The following GALNT13 variants were observed in gnomAD, a reference collection of about 807,000 sequenced individuals.
The protein encoded by GALNT13 is UDP-GalNAc:polypeptide N-acetylgalactosaminyltransferase 13.
In GALNT13, 28 loss-of-function variants were observed where a neutral mutation model predicts 64.2. That is an observed-to-expected ratio of 0.44 (90% confidence interval 0.32 to 0.60). The LOEUF is 0.60. Ranked by LOEUF, GALNT13 falls within the 20% of genes least tolerant of loss-of-function variation. GALNT13 has a pLI of 0.05. For synonymous variants in GALNT13, 214 were observed against 224.6 expected (o/e 0.95, Z 0.42); for missense variants, 577 against 669.8 (o/e 0.86, Z 1.53).
the GALNT13 span, among the ~76,000 whole-genome samples, chr2:153,147,015 C>T: frequency 6.6e-6 from 1 of 151,724 alleles, no homozygotes; most frequent in Non-Finnish European, 1.5e-5. Flanking sequence ...AGTAGAAAAC[C>T]ATTAATTCAT....
intron 1 of GALNT13, among the ~76,000 whole-genome samples, chr2:153,890,517 CT>C (rs1687479349): frequency 6.6e-6 from 1 of 152,146 alleles, no homozygotes; most frequent in South Asian, 2.1e-4. Flanking sequence ...CAACTTAAAA[CT>C]TTTTCCCGTG....
chr2:154,151,524 G>A (rs1304917631), intron 4 of GALNT13, among the ~76,000 whole-genome samples: 3 of 152,172 alleles, frequency 2.0e-5, no homozygotes, highest in African/African-American at 7.2e-5. Flanking sequence ...AATGTTGACA[G>A]TGGGGTGTTA....
intron 3 of GALNT13, among the ~76,000 whole-genome samples, chr2:154,026,304 A>G (rs1356218509): frequency 6.6e-6 from 1 of 152,248 alleles, no homozygotes; most frequent in South Asian, 2.1e-4. Context: ...GAGAGACTCA[A>G]ATTGCTCTCA....
intron 9 of GALNT13, among the ~76,000 whole-genome samples, chr2:154,328,232 CTT>C (rs1445302933): frequency 1.3e-5 from 2 of 152,012 alleles, no homozygotes; most frequent in Non-Finnish European, 2.9e-5. Flanking sequence ...TTGTAATAAA[CTT>C]TCTTTTGCTT....
intron 4 of GALNT13, 102 bp from the exon 5 acceptor site, chr2:154,241,928 G>A (rs1689508851): frequency 1.7e-6 from 1 of 600,646 alleles, no homozygotes; most frequent in Admixed American, 3.7e-5. Flanking sequence ...CCTTAGTAAG[G>A]GGCTTTCAAG....
chr2:154,422,724 C>T lies in GALNT13; in HGVS notation c.1395+13642C>T, dbSNP rs533333558. On this transcript the variant is annotated intron_variant, in intron 11 of 12. Coordinates refer to ENST00000392825, the MANE Select transcript of GALNT13 (RefSeq NM_052917.4). Reference sequence around the variant, plus strand: ...AAAGATGCATTTTAAGACCGTAACACCAAGGAATGATCAAAGTGGTCTTGA... The same window carrying T: ...AAAGATGCATTTTAAGACCGTAACATCAAGGAATGATCAAAGTGGTCTTGA... 5.3e-5 allele frequency among the ~76,000 whole-genome samples: 8 copies of T among 152,104 alleles called. No individual in the cohort carries two copies. The East Asian group carries it at 1.4e-3, about 26-fold the overall frequency.
the GALNT13 span, among the ~76,000 whole-genome samples, chr2:153,086,081 G>A: frequency 2.6e-5 from 4 of 152,126 alleles, no homozygotes; most frequent in Non-Finnish European, 5.9e-5. Context: ...GGGGTCTGTA[G>A]CCCCTTCGTT....
At chr2:153,950,650 A>G (rs1558870621) in intron 3 of GALNT13, among the ~76,000 whole-genome samples, 1 of 152,158 alleles carries the variant, frequency 6.6e-6, no homozygotes, top group Non-Finnish European at 1.5e-5. Context: ...AAAATAATCC[A>G]TAGATCTATT....
intron 7 of GALNT13, among the ~76,000 whole-genome samples, chr2:154,255,614 A>G (rs1173793391): frequency 1.3e-5 from 2 of 152,150 alleles, no homozygotes; most frequent in African/African-American, 4.8e-5. Context: ...TTTATGAGAC[A>G]AGAGGAGAGA....
chr2:153,790,606 A>G, the GALNT13 span, among the ~76,000 whole-genome samples: 1 of 152,188 alleles, frequency 6.6e-6, no homozygotes, highest in Non-Finnish European at 1.5e-5. Flanking sequence ...GACCAGAGCA[A>G]TCAGGCAAGA....
intron 4 of GALNT13, among the ~76,000 whole-genome samples, chr2:154,148,105 G>C (rs1417487542): frequency 1.3e-5 from 2 of 151,810 alleles, no homozygotes; most frequent in Non-Finnish European, 2.9e-5. Flanking sequence ...TCCCCAGAGT[G>C]TGATGTTCCC....
At chr2:154,406,607 G>C (rs903010273) in intron 10 of GALNT13, among the ~76,000 whole-genome samples, 1 of 152,068 alleles carries the variant, frequency 6.6e-6, no homozygotes, top group African/African-American at 2.4e-5. Flanking sequence ...GTCTTTTCAA[G>C]TGTCTTTATT....
chr2:153,751,995 TG>T, the GALNT13 span, among the ~76,000 whole-genome samples: 1 of 152,004 alleles, frequency 6.6e-6, no homozygotes, highest in Non-Finnish European at 1.5e-5. Context: ...GTGTATTCAT[TG>T]TATGTTTTTT....
At chr2:153,092,880 A>G in the GALNT13 span, among the ~76,000 whole-genome samples, 2 of 151,908 alleles carry the variant, frequency 1.3e-5, no homozygotes, top group African/African-American at 4.8e-5. Context: ...CAGGAATTAC[A>G]GTACCATGTT....
At chr2:153,227,627 G>A in the GALNT13 span, among the ~76,000 whole-genome samples, 659 of 152,180 alleles carry the variant, frequency 4.3e-3, 4 homozygotes, top group African/African-American at 0.015. Context: ...AATCTGCATC[G>A]CAAAGCCTTC....
the GALNT13 span, among the ~76,000 whole-genome samples, chr2:153,612,648 A>G: frequency 6.6e-6 from 1 of 151,576 alleles, no homozygotes; most frequent in Admixed American, 6.6e-5. Context: ...AAAAAAGGCA[A>G]AGAACACACA....
the GALNT13 span, among the ~76,000 whole-genome samples, chr2:153,777,666 G>C: frequency 2.0e-5 from 3 of 152,146 alleles, no homozygotes; most frequent in African/African-American, 7.2e-5. Flanking sequence ...ATGGGGGTGT[G>C]GCTTGCTTCT....
At chr2:154,347,452 A>G (rs1396506554) in intron 9 of GALNT13, among the ~76,000 whole-genome samples, 1 of 152,090 alleles carries the variant, frequency 6.6e-6, no homozygotes, top group East Asian at 1.9e-4. Context: ...GCTTCTCTCT[A>G]AATTTTTTCT....
chr2:153,464,311 G>A, the GALNT13 span, among the ~76,000 whole-genome samples: 1 of 152,018 alleles, frequency 6.6e-6, no homozygotes, highest in Non-Finnish European at 1.5e-5. Context: ...CAGGTGCCCA[G>A]GGGATGTATG....
Sources: allele counts gnomAD v4.1 joint callset (sites outside exome capture counted in the v4.1 genomes callset), GRCh38; gene constraint gnomAD v4.1.1; transcripts MANE v1.5; gene names NCBI Gene and HGNC (gene_info 2026-07-23, HGNC 2026-07-21).